Variants in NEO1 observed in about 807,000 individuals in gnomAD.
The protein encoded by NEO1 is neogenin 1.
NEO1 carries 63 observed loss-of-function variants against 159.7 expected under a neutral mutation model. The ratio of observed to expected loss-of-function variants is 0.39; its 90% CI spans 0.32 to 0.49. The LOEUF (loss-of-function observed/expected upper bound fraction) is 0.49. Ranked by LOEUF, NEO1 falls within the 20% of genes least tolerant of loss-of-function variation. NEO1 has a pLI of 0.85. For missense variants in NEO1, 1,615 were observed against 1,831.0 expected (o/e 0.88, Z 2.15); for synonymous variants, 633 against 662.0 (o/e 0.96, Z 0.67).
In NEO1 at chr15:73,178,408, A is replaced by G; in HGVS notation, c.1272A>G (p.Gln424=). The part of the protein sequence containing the change: ...NDVGNAQAGA[Q]LIILEHAPAT... ...TTGGAAATGCACAAGCTGGAGCCCA[A>G]CTGATAATCCTTGAACATGGTAAGA... The change falls in exon 7 of 29, where the codon CAA becomes CAG. Residue 424 remains glutamine (Q), a synonymous_variant. Transcript: ENST00000261908. 4 of 1,613,820 alleles carry G rather than the reference A, an allele frequency of 2.5e-6. No homozygotes were observed. Among genetic ancestry groups the G allele is most frequent in the Non-Finnish European group, 3.4e-6 (4 of 1,179,836 alleles).
At chr15:73,270,568 G>A (rs2041122640) in intron 18 of NEO1, 114 bp downstream of exon 18, 5 of 1,196,148 alleles carry the variant, frequency 4.2e-6, no homozygotes, top group Non-Finnish European at 5.7e-6. Flanking sequence ...TTGGAATTCA[G>A]TGTTTGCTAT....
intron 8 of NEO1, among the ~76,000 whole-genome samples, chr15:73,242,917 C>T (rs1408722469): frequency 6.6e-6 from 1 of 152,198 alleles, no homozygotes; most frequent in African/African-American, 2.4e-5. Context: ...CGTGGACCTA[C>T]ACAGTTCAAA....
intron 1 of NEO1, among the ~76,000 whole-genome samples, chr15:73,093,262 T>C (rs750363405): frequency 2.6e-5 from 4 of 152,150 alleles, no homozygotes; most frequent in Non-Finnish European, 5.9e-5. Flanking sequence ...CTGGCTGAGA[T>C]TGTGTTTGTC....
intron 13 of NEO1, among the ~76,000 whole-genome samples, chr15:73,256,623 G>A (rs985093888): frequency 2.0e-5 from 3 of 152,270 alleles, no homozygotes; most frequent in South Asian, 2.1e-4. Context: ...TCACAAATGG[G>A]ATTGACTTCC....
In NEO1 at chr15:73,149,540, G is replaced by A. The variant is rs116992115; in HGVS notation, c.1015+13513G>A. ...AGGATGATAAAAACTATAAGATTAC[G>A]TGTCAACTATGTCTTTGAGACTTAT... On this transcript the variant is annotated intron_variant, in intron 5 of 28. Coordinates refer to ENST00000261908, the MANE Select transcript of NEO1 (RefSeq NM_002499.4). Among the ~76,000 whole-genome samples, 24 of 152,104 alleles carry A rather than the reference G, an allele frequency of 1.6e-4. No individual in the cohort carries two copies. In the East Asian group the frequency reaches 4.3e-3, roughly 27 times the overall value.
chr15:73,061,129 A>G (rs1271464091), intron 1 of NEO1, among the ~76,000 whole-genome samples: 1 of 152,236 alleles, frequency 6.6e-6, no homozygotes, highest in Non-Finnish European at 1.5e-5. Flanking sequence ...AACAAACAGT[A>G]TAATCTAATT....
chr15:73,211,454 C>T lies in NEO1; in HGVS notation c.1292-24893C>T, dbSNP rs564185167. ...AGGTGGGGCCGGGCGTGTTGGCTCA[C>T]GCCTGTAATCCCAGCACTTTGGGAG... On this transcript the variant is annotated intron_variant, in intron 7 of 28. Transcript: ENST00000261908. 4.7e-3 allele frequency among the ~76,000 whole-genome samples: 714 copies of T among 152,270 alleles called. 6 individuals carry two copies. The highest frequency in any genetic ancestry group is 8.0e-3 in the Non-Finnish European group (541 of 68,022).
intron 7 of NEO1, among the ~76,000 whole-genome samples, chr15:73,195,242 A>T (rs551863625): frequency 2.2e-4 from 33 of 152,326 alleles, no homozygotes; most frequent in Admixed American, 1.0e-3. Flanking sequence ...GTGCTAAAAC[A>T]CCAGAAGGAA....
chr15:73,225,854 C>T (rs1299875610), intron 7 of NEO1, among the ~76,000 whole-genome samples: 2 of 152,148 alleles, frequency 1.3e-5, no homozygotes, highest in Admixed American at 1.3e-4. Context: ...TGGAGATTTC[C>T]TTCTCCCTGT....
At chr15:73,081,721 G>A (rs888565051) in intron 1 of NEO1, among the ~76,000 whole-genome samples, 5 of 151,776 alleles carry the variant, frequency 3.3e-5, no homozygotes, top group African/African-American at 4.8e-5. Flanking sequence ...GACCATAGGT[G>A]CATGCCACCA....
intron 8 of NEO1, among the ~76,000 whole-genome samples, chr15:73,240,601 T>C (rs2039444197): frequency 6.6e-6 from 1 of 152,204 alleles, no homozygotes; most frequent in South Asian, 2.1e-4. Flanking sequence ...TTGTACACTG[T>C]GATTTTATTA....
chr15:73,097,172 T>G (rs1233211866), intron 1 of NEO1, among the ~76,000 whole-genome samples: 1 of 152,164 alleles, frequency 6.6e-6, no homozygotes, highest in African/African-American at 2.4e-5. Flanking sequence ...CTGAGATGGC[T>G]AAATTCTTAG....
chr15:73,057,360 TTTAA>T (rs2067758646), intron 1 of NEO1, among the ~76,000 whole-genome samples: 1 of 152,170 alleles, frequency 6.6e-6, no homozygotes, highest in South Asian at 2.1e-4. Context: ...GGAGGCTGTA[TTTAA>T]TAGTCTTTTT....
At chr15:73,150,011 C>T (rs534535469) in intron 5 of NEO1, among the ~76,000 whole-genome samples, 1 of 152,308 alleles carries the variant, frequency 6.6e-6, no homozygotes, top group South Asian at 2.1e-4. Context: ...TCCCCTCTCA[C>T]CTTGATCTCT....
At chr15:73,179,863 G>GTA (rs200048014) in intron 7 of NEO1, among the ~76,000 whole-genome samples, 66,888 of 147,760 alleles carry the variant, frequency 0.45, 15,107 homozygotes, top group Admixed American at 0.52. Flanking sequence ...TAAATAATAT[G>GTA]TATATATATA....
At chr15:73,301,527 C>T (rs776982697) in intron 28 of NEO1, 70 bp downstream of exon 28, 134 of 1,601,724 alleles carry the variant, frequency 8.4e-5, no homozygotes, top group Non-Finnish European at 1.1e-4. Flanking sequence ...GACTGCTGGT[C>T]AAGCTGATAA....
At chr15:73,174,166 G>T (rs887449688) in intron 5 of NEO1, among the ~76,000 whole-genome samples, 2 of 151,728 alleles carry the variant, frequency 1.3e-5, no homozygotes, top group African/African-American at 2.4e-5. Context: ...GGACATTAAA[G>T]AATACAAAAA....
At chr15:73,148,854 G>GTT (rs558373137) in intron 5 of NEO1, among the ~76,000 whole-genome samples, 8 of 141,174 alleles carry the variant, frequency 5.7e-5, no homozygotes, top group African/African-American at 1.3e-4. Context: ...TTTCAAACTT[G>GTT]TTTTTTTTTT....
intron 21 of NEO1, among the ~76,000 whole-genome samples, chr15:73,276,934 TGTAATAGG>T (rs1312198879): frequency 6.6e-6 from 1 of 152,214 alleles, no homozygotes; most frequent in East Asian, 1.9e-4. Flanking sequence ...TTTTTATGCT[TGTAATAGG>T]AGTGGTTAAC....
Sources: allele counts gnomAD v4.1 joint callset (sites outside exome capture counted in the v4.1 genomes callset), GRCh38; gene constraint gnomAD v4.1.1; transcripts MANE v1.5; gene names NCBI Gene and HGNC (gene_info 2026-07-23, HGNC 2026-07-21).